The following PRPS1 variants were observed in gnomAD, a reference collection of about 807,000 sequenced individuals.
The protein encoded by PRPS1 is phosphoribosyl pyrophosphate synthetase 1.
PRPS1 carries 1 observed loss-of-function variant against 16.9 expected under a neutral mutation model. The observed-to-expected ratio is 0.06, with a 90% CI of 0.02 to 0.28. PRPS1 has a LOEUF of 0.28. Among genes scored for constraint, PRPS1 ranks in the 10% least tolerant of loss-of-function variants. PRPS1 has a pLI of 1.00. For missense variants in PRPS1, 47 were observed against 254.0 expected, an observed-to-expected ratio of 0.19 and a Z score of 5.54; for synonymous variants, 70 against 90.2, an observed-to-expected ratio of 0.78 and a Z score of 1.27.
Position 107,641,901 on chromosome X carries a change from C to T in PRPS1, c.406-465C>T, listed in dbSNP as rs1467286534. ...TATCAACTAGAATTAGAACACAGAT[C>T]TCCTGATTTCTAATTATTCACTGTG... On this transcript the variant is annotated intron_variant, in intron 3 of 6. Coordinates refer to ENST00000372435, the MANE Select transcript of PRPS1 (RefSeq NM_002764.4). Among the ~76,000 whole-genome samples, 3 of 112,304 alleles carry T rather than the reference C, an allele frequency of 2.7e-5. No homozygotes were observed. The Admixed American group carries it at 2.8e-4, about 11-fold the overall frequency.
At chrX:107,635,809 C>T (rs1925421595) in intron 1 of PRPS1, among the ~76,000 whole-genome samples, 1 of 110,297 alleles carries the variant, frequency 9.1e-6, no homozygotes, top group East Asian at 2.9e-4. Flanking sequence ...ACCTGTAATC[C>T]CAGCACTTTG....
chrX:107,629,182 T>C (rs1288340243), intron 1 of PRPS1, among the ~76,000 whole-genome samples: 1 of 111,549 alleles, frequency 9.0e-6, no homozygotes, highest in Non-Finnish European at 1.9e-5. Flanking sequence ...GCTCTCCTGG[T>C]CTTTCTTTTC....
At position 107,644,129 on chromosome X, in the gene PRPS1, T is replaced by C. The variant is rs138203319; in HGVS notation, c.531-1048T>C. Reference sequence around the variant, plus strand: ...TTTTTGTTTGAATTATGTGGTACTTTGTCAAAAGACAAATTTGTCTTCTAT... The same window carrying C: ...TTTTTGTTTGAATTATGTGGTACTTCGTCAAAAGACAAATTTGTCTTCTAT... On this transcript the variant is annotated intron_variant, in intron 4 of 6. Coordinates refer to ENST00000372435, the MANE Select transcript of PRPS1 (RefSeq NM_002764.4). Among the ~76,000 whole-genome samples, 502 of 112,542 alleles carry C rather than the reference T, an allele frequency of 4.5e-3. 2 individuals are homozygous for C. In the East Asian group the frequency reaches 0.053, roughly 12 times the overall value.
intron 2 of PRPS1, 137 bp from the exon 3 acceptor site, chrX:107,640,765 C>T (rs933165768): frequency 6.3e-6 from 4 of 630,896 alleles, no homozygotes; most frequent in Non-Finnish European, 1.0e-5. Context: ...AGTCAATGGA[C>T]ATGTCTCCTT....
At chrX:107,645,109 C>T (rs1265046520) in intron 4 of PRPS1, 68 bp from the exon 5 acceptor site, 5 of 1,167,124 alleles carry the variant, frequency 4.3e-6, no homozygotes, top group Non-Finnish European at 5.8e-6. Flanking sequence ...CCACCGCCCC[C>T]GGCCTCTTTA....
chrX:107,642,568 T>C (rs1925598823), intron 4 of PRPS1, 78 bp downstream of exon 4: 5 of 1,164,289 alleles, frequency 4.3e-6, no homozygotes, highest in Middle Eastern at 4.8e-4. Context: ...GAAGTTTTTC[T>C]ATCCAAGTGG....
intron 4 of PRPS1, 126 bp downstream of exon 4, chrX:107,642,616 G>C: frequency 1.2e-6 from 1 of 858,688 alleles, no homozygotes; most frequent in Non-Finnish European, 1.7e-6. Flanking sequence ...TAAGTAGCTA[G>C]CACATGGGTT....
intron 6 of PRPS1, among the ~76,000 whole-genome samples, chrX:107,648,791 C>T (rs1925762825): frequency 9.1e-6 from 1 of 109,718 alleles, no homozygotes; most frequent in Non-Finnish European, 1.9e-5. Flanking sequence ...TGGAGTTTTG[C>T]TCTTGTTGCC....
rs570999604 is a variant in PRPS1, at chrX:107,631,317, G to A, written c.122+2567G>A. On this transcript the variant is annotated intron_variant, in intron 1 of 6. Transcript: ENST00000372435. ...CATAGCACACTGCATCCTCAAACTC[G>A]CGGGCTCAAGTGATCTGCCTGCCTC... 7.2e-5 allele frequency among the ~76,000 whole-genome samples: 8 copies of A among 111,548 alleles called. No individual in the cohort carries two copies. In the South Asian group the frequency reaches 2.2e-3, roughly 31 times the overall value.
At chrX:107,636,428 G>A (rs912242168) in intron 1 of PRPS1, among the ~76,000 whole-genome samples, 7 of 112,423 alleles carry the variant, frequency 6.2e-5, no homozygotes, top group African/African-American at 2.3e-4. Context: ...TCTTAAAAAA[G>A]GTTTATCCTA....
intron 6 of PRPS1, among the ~76,000 whole-genome samples, chrX:107,647,991 A>G: frequency 9.0e-6 from 1 of 111,204 alleles, no homozygotes; most frequent in East Asian, 2.8e-4. Flanking sequence ...TTAAAAGTTT[A>G]AATTGCTACA....
At chrX:107,649,382 C>A (rs972928705) in intron 6 of PRPS1, among the ~76,000 whole-genome samples, 1 of 111,645 alleles carries the variant, frequency 9.0e-6, no homozygotes, top group African/African-American at 3.3e-5. Flanking sequence ...CCACAGTGCC[C>A]AGCCATTTTG....
rs1057515726 is a variant in PRPS1, at chrX:107,650,120, C to T, written c.*88C>T. 176 of 1,195,695 alleles carry T rather than the reference C, an allele frequency of 1.5e-4. 4 individuals carry two copies. In the Admixed American group the frequency reaches 3.3e-3, roughly 22 times the overall value. On this transcript the variant is annotated 3_prime_UTR_variant, in exon 7 of 7. Transcript: ENST00000372435. ...TTGATGACAAATTCAGCAGAAGACC[C>T]GGCTTGCTCCAGTGTAGCTTTCTAC...
rs145160619 is a variant in PRPS1, at chrX:107,633,385, G to A, written c.122+4635G>A. Reference sequence around the variant, plus strand: ...TGCAGTGAGCTGAGATCCTGCCACTGCACTCCAGCCTGGGCAACAGAGCGA... The same window carrying A: ...TGCAGTGAGCTGAGATCCTGCCACTACACTCCAGCCTGGGCAACAGAGCGA... On this transcript the variant is annotated intron_variant, in intron 1 of 6. Coordinates refer to ENST00000372435, the MANE Select transcript of PRPS1 (RefSeq NM_002764.4). Among the ~76,000 whole-genome samples, 863 of 98,002 alleles carry A rather than the reference G, an allele frequency of 8.8e-3. 33 individuals are homozygous for A. In the Admixed American group the frequency reaches 0.09, roughly 10 times the overall value. 85.1% of individuals were successfully genotyped at this position (98,002 alleles called of 115,157 possible).
At chrX:107,633,036 C>G (rs1376215906) in intron 1 of PRPS1, among the ~76,000 whole-genome samples, 1 of 111,746 alleles carries the variant, frequency 8.9e-6, no homozygotes, top group Non-Finnish European at 1.9e-5. Flanking sequence ...TTTTCAAAAG[C>G]CCCACATTTT....
At chrX:107,645,071 C>T in intron 4 of PRPS1, 106 bp from the exon 5 acceptor site, 2 of 942,363 alleles carry the variant, frequency 2.1e-6, no homozygotes, top group Admixed American at 4.4e-5. Flanking sequence ...ACCTCAGCCT[C>T]CCAAAGTGCT....
intron 1 of PRPS1, among the ~76,000 whole-genome samples, chrX:107,635,003 C>A (rs944099017): frequency 1.8e-5 from 2 of 109,952 alleles, no homozygotes; most frequent in Admixed American, 1.9e-4. Flanking sequence ...CCACACCTGG[C>A]TAATTTTTTT....
intron 4 of PRPS1, among the ~76,000 whole-genome samples, chrX:107,643,778 G>A (rs138324327): frequency 3.2e-3 from 354 of 111,898 alleles, no homozygotes; most frequent in African/African-American, 0.011. Flanking sequence ...CATTCCAAGC[G>A]AATTGGTTAC....
At chrX:107,642,131 T>C (rs947238535) in intron 3 of PRPS1, among the ~76,000 whole-genome samples, 4 of 112,265 alleles carry the variant, frequency 3.6e-5, no homozygotes, top group Admixed American at 2.8e-4. Flanking sequence ...GGCTCACTTA[T>C]GTTCCTATGT....
Sources: allele counts gnomAD v4.1 joint callset (sites outside exome capture counted in the v4.1 genomes callset), GRCh38; gene constraint gnomAD v4.1.1; transcripts MANE v1.5; gene names NCBI Gene and HGNC (gene_info 2026-07-23, HGNC 2026-07-21).